RNF13: variants seen among roughly 807,000 people sequenced by gnomAD.
The protein encoded by RNF13 is ring finger protein 13.
A neutral mutation model predicts 37.7 loss-of-function variants in RNF13; 19 were observed. That is an observed-to-expected ratio of 0.50 (90% CI 0.35 to 0.74). The LOEUF (loss-of-function observed/expected upper bound fraction) is 0.74. Ranked by LOEUF, RNF13 falls within the 30% of genes least tolerant of loss-of-function variation. The pLI is 0.01. For synonymous variants in RNF13, 144 were observed against 157.8 expected, an observed-to-expected ratio of 0.91 and a Z score of 0.65; for missense variants, 375 against 453.0, an observed-to-expected ratio of 0.83 and a Z score of 1.56.
chr3:149,862,691 G>A (rs181723281), intron 3 of RNF13, among the ~76,000 whole-genome samples: 2 of 152,138 alleles, frequency 1.3e-5, no homozygotes, highest in East Asian at 3.9e-4. Context: ...GTAGATGCCA[G>A]TTTTTTACTT....
chr3:149,881,389 G>A (rs1713378280), intron 4 of RNF13, among the ~76,000 whole-genome samples: 1 of 151,978 alleles, frequency 6.6e-6, no homozygotes, highest in Non-Finnish European at 1.5e-5. Flanking sequence ...GGAATACAGT[G>A]GCTTGCTCGC....
At chr3:149,838,589 G>A (rs1343088803) in intron 1 of RNF13, among the ~76,000 whole-genome samples, 1 of 152,202 alleles carries the variant, frequency 6.6e-6, no homozygotes, top group Non-Finnish European at 1.5e-5. Context: ...CTGTACCTTG[G>A]CTCTGTTTAG....
At chr3:149,926,034 T>C (rs1239769472) in intron 8 of RNF13, among the ~76,000 whole-genome samples, 2 of 152,196 alleles carry the variant, frequency 1.3e-5, no homozygotes, top group African/African-American at 2.4e-5. Flanking sequence ...TATATGCCCG[T>C]GTGTCTGTTT....
intron 1 of RNF13, among the ~76,000 whole-genome samples, chr3:149,816,518 CT>C (rs199700015): frequency 4.4e-3 from 607 of 139,014 alleles, no homozygotes; most frequent in African/African-American, 8.8e-3. Flanking sequence ...ATGCCTTAGC[CT>C]TTTTTTTTTT....
Position 149,912,005 on chromosome 3 carries a change from T to C in RNF13, c.528T>C (p.Phe176=), listed in dbSNP as rs771604937. 3.1e-6 allele frequency: 5 copies of C among 1,592,764 alleles called. No homozygotes were observed. The highest frequency in any genetic ancestry group is 1.7e-4 in the Middle Eastern group (1 of 5,984). ...KGGHLILVPE[F]SLPLEYYLIP... ...GCCACCTTATCTTAGTTCCAGAATT[T>C]AGTCTTCCTTTGGAATACTACCTAA... The change falls in exon 7 of 10, where the codon TTT becomes TTC. Residue 176 remains phenylalanine, a synonymous_variant. Coordinates refer to ENST00000392894, the MANE Select transcript of RNF13 (RefSeq NM_183381.3).
Position 149,913,034 on chromosome 3 carries a change from T to G in RNF13, c.606+951T>G, listed in dbSNP as rs144317374. Among the ~76,000 whole-genome samples, 495 of 152,260 alleles carry G rather than the reference T, an allele frequency of 3.3e-3. 4 individuals carry two copies. The highest frequency in any genetic ancestry group is 6.0e-3 in the Non-Finnish European group (410 of 67,982). ...AGTCCCACTCTTCTTGCCAACTTCT[T>G]TGTCATAAAGAATACATATTTTCAT... On this transcript the variant is annotated intron_variant, in intron 7 of 9. Coordinates refer to ENST00000392894, the MANE Select transcript of RNF13 (RefSeq NM_183381.3).
chr3:149,870,596 CTT>C (rs1049804406), intron 3 of RNF13, among the ~76,000 whole-genome samples: 1 of 151,690 alleles, frequency 6.6e-6, no homozygotes, highest in Non-Finnish European at 1.5e-5. Flanking sequence ...GGAGCAAAAA[CTT>C]AGTGTTTGCA....
chr3:149,956,666 A>G (rs761744126), intron 8 of RNF13, among the ~76,000 whole-genome samples: 1 of 152,246 alleles, frequency 6.6e-6, no homozygotes, highest in Non-Finnish European at 1.5e-5. Context: ...TTTATTCTAC[A>G]GCAGTTCCAA....
At chr3:149,934,045 T>C (rs1306929579) in intron 8 of RNF13, among the ~76,000 whole-genome samples, 2 of 152,312 alleles carry the variant, frequency 1.3e-5, no homozygotes, top group South Asian at 4.1e-4. Context: ...TTAATTACTG[T>C]TTCAGTTTCA....
At chr3:149,865,624 G>A (rs1035065867) in intron 3 of RNF13, among the ~76,000 whole-genome samples, 3 of 151,694 alleles carry the variant, frequency 2.0e-5, no homozygotes, top group African/African-American at 7.3e-5. Flanking sequence ...CACCACCACA[G>A]CCAGCTAATT....
chr3:149,895,678 A>G (rs1715180853), intron 5 of RNF13, 118 bp downstream of exon 5: 1 of 574,912 alleles, frequency 1.7e-6, no homozygotes, highest in Non-Finnish European at 3.1e-6. Flanking sequence ...TCTCTATCAG[A>G]TAATCCCTCA....
chr3:149,898,058 T>C (rs1715451986), intron 5 of RNF13, among the ~76,000 whole-genome samples: 1 of 152,206 alleles, frequency 6.6e-6, no homozygotes, highest in Admixed American at 6.5e-5. Flanking sequence ...ACCTGCGCCC[T>C]CAGGAAAGTT....
At chr3:149,942,076 T>C (rs1297886074) in intron 8 of RNF13, among the ~76,000 whole-genome samples, 1 of 152,064 alleles carries the variant, frequency 6.6e-6, no homozygotes, top group East Asian at 1.9e-4. Flanking sequence ...TATATATATC[T>C]GTCTTTATTC....
chr3:149,881,276 T>C (rs565229945), intron 4 of RNF13, among the ~76,000 whole-genome samples: 2 of 152,218 alleles, frequency 1.3e-5, no homozygotes, highest in African/African-American at 4.8e-5. Context: ...TTAAAATTGC[T>C]TGTCCATATG....
At chr3:149,881,373 C>T (rs1713376204) in intron 4 of RNF13, among the ~76,000 whole-genome samples, 1 of 152,104 alleles carries the variant, frequency 6.6e-6, no homozygotes. Flanking sequence ...CTCTGTTGCC[C>T]AGGCTGGAAT....
chr3:149,832,572 C>A (rs1198983569), intron 1 of RNF13, among the ~76,000 whole-genome samples: 1 of 151,700 alleles, frequency 6.6e-6, no homozygotes, highest in East Asian at 1.9e-4. Context: ...AAAATGAGGC[C>A]AAGAGAAAAC....
At chr3:149,813,474 C>G (rs1343284659) in intron 1 of RNF13, 121 bp downstream of exon 1, 1 of 152,366 alleles carries the variant, frequency 6.6e-6, no homozygotes, top group Non-Finnish European at 1.5e-5. Flanking sequence ...CTTTGCTGCT[C>G]CTCTAGAGCT....
At chr3:149,925,734 A>C (rs978620550) in intron 8 of RNF13, among the ~76,000 whole-genome samples, 2 of 152,300 alleles carry the variant, frequency 1.3e-5, no homozygotes, top group Admixed American at 6.5e-5. Context: ...ACCTAGAAGT[A>C]GATTAATTTG....
intron 1 of RNF13, among the ~76,000 whole-genome samples, chr3:149,817,790 G>A (rs1210976580): frequency 2.0e-5 from 3 of 152,170 alleles, no homozygotes; most frequent in Non-Finnish European, 4.4e-5. Flanking sequence ...GTACATGATA[G>A]ATAGTAATTG....
Sources: allele counts gnomAD v4.1 joint callset (sites outside exome capture counted in the v4.1 genomes callset), GRCh38; gene constraint gnomAD v4.1.1; transcripts MANE v1.5; gene names NCBI Gene and HGNC (gene_info 2026-07-23, HGNC 2026-07-21).